MITF: variants seen among roughly 807,000 people sequenced by gnomAD.
The protein encoded by MITF is melanocyte inducing transcription factor.
Under a neutral mutation model 60.5 loss-of-function variants are expected in MITF, and 17 were observed. That is an observed-to-expected ratio of 0.28 (90% confidence interval 0.19 to 0.42). MITF has a LOEUF of 0.42. MITF is among the 10% of genes least tolerant of loss of function. The probability of loss-of-function intolerance (pLI) is 1.00; values close to 1 mark genes in which losing one functional copy is unlikely to be tolerated. For missense variants in MITF, 622 were observed against 683.5 expected (o/e 0.91, Z 1.00); for synonymous variants, 260 against 248.5 (o/e 1.05, Z -0.43).
At chr3:69,896,269 A>G (rs1424227731) in intron 2 of MITF, among the ~76,000 whole-genome samples, 1 of 152,226 alleles carries the variant, frequency 6.6e-6, no homozygotes, top group Non-Finnish European at 1.5e-5. Flanking sequence ...CCCTAGATAA[A>G]GCATTACTTG....
intron 1 of MITF, among the ~76,000 whole-genome samples, chr3:69,780,583 CATT>C (rs1204366918): frequency 1.3e-5 from 2 of 152,108 alleles, no homozygotes; most frequent in Admixed American, 1.3e-4. Flanking sequence ...ATGGAATTGC[CATT>C]AGATGATGGC....
At position 69,938,329 on chromosome 3, in the gene MITF, C is replaced by T. The variant is rs78545229; in HGVS notation, c.582+280C>T. ...GCTTCTTCTTCCTTAGCTGAGTGCT[C>T]TCTTCTCTTCCATGCCTTTCAGTTT... On this transcript the variant is annotated intron_variant, in intron 3 of 9. Coordinates refer to ENST00000352241, the MANE Select transcript of MITF (RefSeq NM_001354604.2). 0.01 allele frequency: 16,326 copies of T among 1,560,878 alleles called. 176 individuals are homozygous for T. Among genetic ancestry groups the T allele is most frequent in the South Asian group, 0.036 (3,028 of 85,000 alleles).
intron 1 of MITF, among the ~76,000 whole-genome samples, chr3:69,839,188 A>G (rs2063586540): frequency 6.6e-6 from 1 of 151,704 alleles, no homozygotes; most frequent in African/African-American, 2.4e-5. Flanking sequence ...AATGTTAGAC[A>G]TTAGAATAAG....
At chr3:69,939,016 G>A (rs1640962113) in intron 3 of MITF, 82 bp from the exon 4 acceptor site, 13 of 1,567,726 alleles carry the variant, frequency 8.3e-6, no homozygotes, top group Non-Finnish European at 1.1e-5. Flanking sequence ...TTGTTGCTGT[G>A]CCATCAGCTT....
At position 69,957,722 on chromosome 3, in the gene MITF, A is replaced by G. The variant is rs115578693; in HGVS notation, c.1031+1192A>G. 3.9e-3 allele frequency among the ~76,000 whole-genome samples: 591 copies of G among 152,350 alleles called. 1 individual carries two copies. Among genetic ancestry groups the G allele is most frequent in the African/African-American group, 0.014 (578 of 41,578 alleles). On this transcript the variant is annotated intron_variant, in intron 8 of 9. Coordinates refer to ENST00000352241, the MANE Select transcript of MITF (RefSeq NM_001354604.2). The stretch of plus-strand genomic sequence containing the variant: ...AGCATGTGAATCTCTTTAGCAACAT[A>G]TTATGAAATTATGGGGCTGCAGTGA...
chr3:69,952,392 C>A (rs956405692), intron 7 of MITF, among the ~76,000 whole-genome samples: 1 of 152,112 alleles, frequency 6.6e-6, no homozygotes, highest in Non-Finnish European at 1.5e-5. Context: ...ATATTTTTTA[C>A]GTGTTTAATT....
intron 2 of MITF, among the ~76,000 whole-genome samples, chr3:69,882,565 C>T (rs76052502): frequency 6.7e-5 from 10 of 149,958 alleles, no homozygotes; most frequent in Admixed American, 1.3e-4. Flanking sequence ...TTAACAACAA[C>T]AAAAAAAAAG....
rs565389737 is a variant in MITF, at chr3:69,765,948, T to C, written c.104+26247T>C. Among the ~76,000 whole-genome samples, 53 of 152,350 alleles carry C rather than the reference T, an allele frequency of 3.5e-4. 1 individual carries two copies. The South Asian group carries it at 6.2e-3, about 18-fold the overall frequency. On this transcript the variant is annotated intron_variant, in intron 1 of 9. Coordinates refer to ENST00000352241, the MANE Select transcript of MITF (RefSeq NM_001354604.2). ...GTGGAGCTTTTGGTTAAATGTGAGT[T>C]TTAAAAGTTTGATAAATAGAATAAA...
rs2066643314 is a variant in MITF, at chr3:69,964,844, T to C, written c.1180-3T>C. On this transcript the variant is annotated splice_polypyrimidine_tract_variant and splice_region_variant and intron_variant, in intron 9 of 9. Transcript: ENST00000352241. ...CAGTGTTTTATCTTTACTCTTATTA[T>C]AGGAACTTGAAATGCAGGCTCGAGC... 1 of 1,613,956 alleles carries C rather than the reference T, an allele frequency of 6.2e-7. No individual in the cohort carries two copies. Among genetic ancestry groups the C allele is most frequent in the Non-Finnish European group, 8.5e-7 (1 of 1,179,960 alleles).
At chr3:69,918,939 AT>A (rs2065399981) in intron 2 of MITF, among the ~76,000 whole-genome samples, 2 of 152,250 alleles carry the variant, frequency 1.3e-5, no homozygotes, top group Non-Finnish European at 2.9e-5. Context: ...GGGAAAAAGA[AT>A]AAAAAATTTT....
chr3:69,958,627 TGAG>T (rs2066460162), intron 8 of MITF, among the ~76,000 whole-genome samples: 1 of 152,110 alleles, frequency 6.6e-6, no homozygotes, highest in Non-Finnish European at 1.5e-5. Flanking sequence ...AATTTAGTAG[TGAG>T]ATCTCACAGA....
At chr3:69,796,001 A>G (rs1380512360) in intron 1 of MITF, among the ~76,000 whole-genome samples, 3 of 152,126 alleles carry the variant, frequency 2.0e-5, no homozygotes, top group Non-Finnish European at 4.4e-5. Context: ...TTGTTTTTTG[A>G]GACGGAGTTG....
intron 4 of MITF, among the ~76,000 whole-genome samples, chr3:69,939,714 T>C (rs1303771667): frequency 2.6e-5 from 4 of 152,188 alleles, no homozygotes; most frequent in African/African-American, 4.8e-5. Flanking sequence ...TATATAGATA[T>C]AGGAGAGAAT....
chr3:69,929,083 C>T lies in MITF; in HGVS notation c.355-8739C>T, dbSNP rs114733029. On this transcript the variant is annotated intron_variant, in intron 2 of 9. Transcript: ENST00000352241. ...ACTTAGGAAGACTGAGGGACTGTCA[C>T]ACTTCATTTCCTCAGGACGTTTCCA... Among the ~76,000 whole-genome samples the T allele has an allele frequency of 2.7e-3, 405 of 152,294 alleles. 1 individual carries two copies. The highest frequency in any genetic ancestry group is 9.5e-3 in the African/African-American group (395 of 41,560).
rs185729564 is a variant in MITF, at chr3:69,904,510, A to T, written c.354+25127A>T. Among the ~76,000 whole-genome samples the T allele has an allele frequency of 2.1e-4, 32 of 152,230 alleles. No individual in the cohort carries two copies. In the East Asian group the frequency reaches 5.4e-3, roughly 26 times the overall value. On this transcript the variant is annotated intron_variant, in intron 2 of 9. Coordinates refer to ENST00000352241, the MANE Select transcript of MITF (RefSeq NM_001354604.2). ...TGCCCACCCAATAAGACCCACTGAA[A>T]CACTGCTTTCCATGTGAAGTGCCCC... is the stretch of plus-strand genomic sequence containing the variant.
chr3:69,789,179 C>A (rs1393256348), intron 1 of MITF, among the ~76,000 whole-genome samples: 1 of 152,102 alleles, frequency 6.6e-6, no homozygotes, highest in Non-Finnish European at 1.5e-5. Flanking sequence ...TCAAATGACA[C>A]AATCATCAGA....
At chr3:69,830,554 G>A (rs1436631579) in intron 1 of MITF, among the ~76,000 whole-genome samples, 1 of 152,148 alleles carries the variant, frequency 6.6e-6, no homozygotes, top group Non-Finnish European at 1.5e-5. Context: ...AACATTTTCT[G>A]TGCTTAGTTA....
At chr3:69,751,742 G>T (rs1175329850) in intron 1 of MITF, among the ~76,000 whole-genome samples, 7 of 152,002 alleles carry the variant, frequency 4.6e-5, no homozygotes. Context: ...AGTTATTCTT[G>T]TGGCCTCTGT....
Position 69,759,310 on chromosome 3 carries a change from A to G in MITF, c.104+19609A>G, listed in dbSNP as rs537751362. On this transcript the variant is annotated intron_variant, in intron 1 of 9. Transcript: ENST00000352241. The stretch of plus-strand genomic sequence containing the variant: ...GAACACTAGACAGCACTTTCGCACT[A>G]AACTTTGGTGCCATACTGAATAGAG... 3.3e-5 allele frequency among the ~76,000 whole-genome samples: 5 copies of G among 152,324 alleles called. 1 individual carries two copies. The highest frequency in any genetic ancestry group is 9.6e-5 in the African/African-American group (4 of 41,578).
Sources: gnomAD v4.1 joint callset for allele counts (sites outside exome capture counted in the v4.1 genomes callset) on GRCh38, gnomAD v4.1.1 for gene constraint, MANE v1.5 for transcripts, NCBI Gene and HGNC (gene_info 2026-07-23, HGNC 2026-07-21) for gene names.